FRYL: variants seen among roughly 807,000 people sequenced by gnomAD.
The protein encoded by FRYL is protein furry homolog-like.
Under a neutral mutation model 351.2 loss-of-function variants are expected in FRYL, and 150 were observed. The observed-to-expected ratio is 0.43, with a 90% CI of 0.37 to 0.49. FRYL has a LOEUF of 0.49. FRYL is among the 20% of genes least tolerant of loss of function. FRYL has a pLI of 0.00. For missense variants in FRYL, 3,036 were observed against 3,619.3 expected, an observed-to-expected ratio of 0.84 and a Z score of 4.13; for synonymous variants, 1,153 against 1,257.1, an observed-to-expected ratio of 0.92 and a Z score of 1.75.
chr4:48,661,599 A>T (rs1229600398), intron 3 of FRYL, among the ~76,000 whole-genome samples: 1 of 152,238 alleles, frequency 6.6e-6, no homozygotes, highest in African/African-American at 2.4e-5. Context: ...CCAAGCTGCA[A>T]AGGATCAAGC....
intron 60 of FRYL, among the ~76,000 whole-genome samples, chr4:48,504,554 C>CATTT (rs1720482491): frequency 6.6e-6 from 1 of 152,080 alleles, no homozygotes; most frequent in South Asian, 2.1e-4. Flanking sequence ...TCCTTATCTT[C>CATTT]ATTTCTTTAC....
At chr4:48,512,359 G>GA (rs201406832) in intron 57 of FRYL, 122 bp downstream of exon 57, 3,732 of 681,390 alleles carry the variant, frequency 5.5e-3, no homozygotes, top group Non-Finnish European at 6.5e-3. Context: ...CATTAGCTTA[G>GA]AAAAAAAAAA....
intron 59 of FRYL, among the ~76,000 whole-genome samples, chr4:48,507,722 TA>T (rs538850736): frequency 3.3e-4 from 50 of 151,678 alleles, no homozygotes; most frequent in East Asian, 5.8e-4. Flanking sequence ...AGATGATAGA[TA>T]GATAGATAGA....
intron 2 of FRYL, among the ~76,000 whole-genome samples, chr4:48,707,274 GA>G (rs1231268925): frequency 6.6e-6 from 1 of 151,770 alleles, no homozygotes; most frequent in Non-Finnish European, 1.5e-5. Context: ...TATACCCAAG[GA>G]AAAAAAGTAC....
In FRYL at chr4:48,544,847, C is replaced by A; in HGVS notation, c.5337G>T (p.Lys1779Asn). Reference protein sequence around the residue: ...EDVSAKNPSIKSAEQLTTFLK... With the variant: ...EDVSAKNPSINSAEQLTTFLK... ...AAAATGTAGTTAACTGTTCAGCACT[C>A]TTTATGCTAGGATTCTTGGCAGAAA... The change falls in exon 43 of 64, where the codon AAG (lysine) becomes AAT (asparagine). Residue 1779 changes from lysine to asparagine, a missense_variant. Physicochemically the swap from Lys to Asn is moderately conservative, Grantham distance 94. Transcript: ENST00000358350. The A allele has an allele frequency of 6.2e-7, 1 of 1,610,308 alleles. No homozygotes were observed. Among genetic ancestry groups the A allele is most frequent in the South Asian group, 1.1e-5 (1 of 90,192 alleles).
Position 48,557,089 on chromosome 4 carries a change from C to T in FRYL, c.4155G>A (p.Val1385=), listed in dbSNP as rs1454704362. Residue 1385 remains valine, a synonymous_variant, in exon 35 of 64, where the codon GTG becomes GTA. Transcript: ENST00000358350. Reference sequence around the variant, plus strand: ...CTGCAAGTGTGGTCCACACATTCTCCACCTCCGACCAGGCCAGTTCATCGC... The same window carrying T: ...CTGCAAGTGTGGTCCACACATTCTCTACCTCCGACCAGGCCAGTTCATCGC... The part of the protein sequence containing the change: ...KYGDELAWSE[V]ENVWTTLADG... The T allele has an allele frequency of 6.2e-7, 1 of 1,603,514 alleles. No individual in the cohort carries two copies. The highest frequency in any genetic ancestry group is 2.2e-5 in the East Asian group (1 of 44,736).
intron 30 of FRYL, among the ~76,000 whole-genome samples, chr4:48,564,700 T>A (rs1398893971): frequency 6.6e-6 from 1 of 152,238 alleles, no homozygotes; most frequent in African/African-American, 2.4e-5. Context: ...CATACCACTG[T>A]ATTAATCCTA....
At position 48,515,015 on chromosome 4, in the gene FRYL, A is replaced by G; in HGVS notation, c.7937+13T>C. 6.2e-7 allele frequency: 1 copy of G among 1,609,714 alleles called. No homozygotes were observed. The highest frequency in any genetic ancestry group is 1.1e-5 in the South Asian group (1 of 90,688). ...ATCCCCTCACTACAGTGTTTATGAT[A>G]CTGTATTCTCACCTAGACAGTCCGG... On this transcript the variant is annotated intron_variant, in intron 56 of 63. Coordinates refer to ENST00000358350, the MANE Select transcript of FRYL (RefSeq NM_015030.2).
chr4:48,531,078 T>C (rs558280406), intron 50 of FRYL, 78 bp downstream of exon 50: 59 of 986,294 alleles, frequency 6.0e-5, no homozygotes, highest in Middle Eastern at 6.5e-4. Flanking sequence ...CAATCAATGT[T>C]TGTTAAATCA....
At chr4:48,715,116 C>A (rs567415887) in intron 1 of FRYL, among the ~76,000 whole-genome samples, 22 of 152,018 alleles carry the variant, frequency 1.4e-4, no homozygotes, top group Non-Finnish European at 2.9e-4. Flanking sequence ...ATTGATGGGA[C>A]GTATCTCAAA....
chr4:48,678,226 A>G (rs1247000200), intron 3 of FRYL, among the ~76,000 whole-genome samples: 1 of 152,188 alleles, frequency 6.6e-6, no homozygotes, highest in Non-Finnish European at 1.5e-5. Context: ...AATGATTGGC[A>G]TAGCATTTCA....
At chr4:48,712,913 G>A (rs1262994302) in intron 1 of FRYL, among the ~76,000 whole-genome samples, 1 of 152,078 alleles carries the variant, frequency 6.6e-6, no homozygotes, top group Non-Finnish European at 1.5e-5. Flanking sequence ...GAAGAGAGTG[G>A]GGGCCAATAT....
intron 1 of FRYL, among the ~76,000 whole-genome samples, chr4:48,738,038 A>T (rs557146586): frequency 2.3e-4 from 35 of 152,326 alleles, no homozygotes; most frequent in Admixed American, 1.9e-3. Flanking sequence ...TCCCACTTAG[A>T]TAAGGAACAA....
intron 9 of FRYL, among the ~76,000 whole-genome samples, chr4:48,608,286 A>C (rs1747293288): frequency 6.6e-6 from 1 of 152,186 alleles, no homozygotes; most frequent in Admixed American, 6.5e-5. Flanking sequence ...GAATTTAGAA[A>C]GGTTGTTTGT....
At chr4:48,583,445 A>G (rs749425951) in intron 19 of FRYL, among the ~76,000 whole-genome samples, 2 of 152,064 alleles carry the variant, frequency 1.3e-5, no homozygotes, top group Non-Finnish European at 2.9e-5. Context: ...GCCACCACTC[A>G]ATTATTCTTT....
chr4:48,681,711 G>GATTGTA (rs1195259378), intron 3 of FRYL, among the ~76,000 whole-genome samples: 2 of 152,028 alleles, frequency 1.3e-5, no homozygotes, highest in Admixed American at 1.3e-4. Context: ...TACAATCAAT[G>GATTGTA]ATACTTATCA....
At chr4:48,524,386 C>T (rs553511911) in intron 53 of FRYL, among the ~76,000 whole-genome samples, 3 of 152,144 alleles carry the variant, frequency 2.0e-5, no homozygotes, top group African/African-American at 7.2e-5. Flanking sequence ...AAACCACCTT[C>T]CTGGAACATA....
intron 3 of FRYL, among the ~76,000 whole-genome samples, chr4:48,651,240 G>A (rs1454380724): frequency 1.3e-5 from 2 of 149,842 alleles, no homozygotes; most frequent in South Asian, 2.1e-4. Context: ...GTGTGTGTGT[G>A]TGTGTGTGTG....
intron 2 of FRYL, among the ~76,000 whole-genome samples, chr4:48,706,908 C>T (rs1767424821): frequency 6.6e-6 from 1 of 152,138 alleles, no homozygotes; most frequent in African/African-American, 2.4e-5. Context: ...GAAGGCTGTT[C>T]CTTTGTGCCT....
Sources: allele counts gnomAD v4.1 joint callset (sites outside exome capture counted in the v4.1 genomes callset), GRCh38; gene constraint gnomAD v4.1.1; transcripts MANE v1.5; gene names NCBI Gene and HGNC (gene_info 2026-07-23, HGNC 2026-07-21).